MRTFB: variants seen among roughly 807,000 people sequenced by gnomAD.
MRTFB encodes myocardin related transcription factor B.
In MRTFB, 29 loss-of-function variants were observed where a neutral mutation model predicts 104.2. The ratio of observed to expected loss-of-function variants is 0.28; its 90% CI spans 0.21 to 0.38. The LOEUF (loss-of-function observed/expected upper bound fraction) is 0.38, where lower values mean the gene tolerates loss of function less well. Among genes scored for constraint, MRTFB ranks in the 10% least tolerant of loss-of-function variants. The pLI is 1.00. For missense variants in MRTFB, 1,270 were observed against 1,341.6 expected (o/e 0.95, Z 0.83); for synonymous variants, 535 against 519.5 (o/e 1.03, Z -0.41).
intron 3 of MRTFB, among the ~76,000 whole-genome samples, chr16:14,198,820 G>T (rs1311633960): frequency 1.3e-5 from 2 of 152,248 alleles, no homozygotes; most frequent in Admixed American, 1.3e-4. Context: ...GATAGAGGAA[G>T]TGTCTCTTAA....
intron 1 of MRTFB, among the ~76,000 whole-genome samples, chr16:14,072,339 C>T (rs539449962): frequency 3.3e-5 from 5 of 152,290 alleles, no homozygotes; most frequent in African/African-American, 1.2e-4. Flanking sequence ...AAATAGAGAA[C>T]AGTATATGAC....
At chr16:14,073,663 A>G (rs938632391) in intron 1 of MRTFB, among the ~76,000 whole-genome samples, 14 of 152,228 alleles carry the variant, frequency 9.2e-5, no homozygotes, top group African/African-American at 3.1e-4. Flanking sequence ...ATCAAGTAGC[A>G]GATTGAGGTT....
chr16:14,220,798 G>A (rs2041659687), intron 8 of MRTFB, among the ~76,000 whole-genome samples: 1 of 152,148 alleles, frequency 6.6e-6, no homozygotes, highest in Non-Finnish European at 1.5e-5. Flanking sequence ...CTAGGGCGAT[G>A]GGAGAAGACC....
chr16:14,249,169 G>T, intron 13 of MRTFB, 88 bp downstream of exon 13: 1 of 1,443,170 alleles, frequency 6.9e-7, no homozygotes, highest in South Asian at 1.4e-5. Context: ...TAAACGCCCT[G>T]GGAAGTTCCT....
rs775230294 is a variant in MRTFB, at chr16:14,240,629, T to C, written c.1079+145T>C. Reference sequence around the variant, plus strand: ...TTTGTTATCAGAGCTTATCACACAGTGTCTGAAGTCCACATGGTGAGAGTG... The same window carrying C: ...TTTGTTATCAGAGCTTATCACACAGCGTCTGAAGTCCACATGGTGAGAGTG... On this transcript the variant is annotated intron_variant, in intron 10 of 16. Transcript: ENST00000571589. The C allele has an allele frequency of 5.2e-6, 7 of 1,353,930 alleles. No individual in the cohort carries two copies. In the Admixed American group the frequency reaches 1.0e-4, roughly 19 times the overall value. 83.9% of individuals were successfully genotyped at this position (1,353,930 alleles called of 1,614,324 possible).
chr16:14,155,038 G>C (rs1002301648), intron 3 of MRTFB, among the ~76,000 whole-genome samples: 4 of 152,108 alleles, frequency 2.6e-5, no homozygotes, highest in Admixed American at 6.6e-5. Flanking sequence ...TACCCTAAAG[G>C]CTGCCCATCA....
chr16:14,159,287 A>G (rs2038941504), intron 3 of MRTFB, among the ~76,000 whole-genome samples: 1 of 152,230 alleles, frequency 6.6e-6, no homozygotes, highest in Admixed American at 6.5e-5. Flanking sequence ...ACAGAGCTGT[A>G]GTCAATTTTG....
chr16:14,033,709 C>T, the MRTFB span, among the ~76,000 whole-genome samples: 3 of 151,594 alleles, frequency 2.0e-5, no homozygotes, highest in South Asian at 6.3e-4. Flanking sequence ...TGGTGGCACG[C>T]ACCTGTAATC....
At position 14,263,096 on chromosome 16, in the gene MRTFB, C is replaced by T. The variant is rs1334363640; in HGVS notation, c.*1652C>T. On this transcript the variant is annotated 3_prime_UTR_variant, in exon 17 of 17. Coordinates refer to ENST00000571589, the MANE Select transcript of MRTFB (RefSeq NM_001308142.2). ...TTTTCCAGCATGAGCACACTGGAGC[C>T]CTCTGCTCACTGGCACTTCCTGACT... is the stretch of plus-strand genomic sequence containing the variant. 2 of 152,312 alleles carry T rather than the reference C, an allele frequency of 1.3e-5. No individual in the cohort carries two copies. Among genetic ancestry groups the T allele is most frequent in the Non-Finnish European group, 2.9e-5 (2 of 68,042 alleles). The allele number at this position is 152,312 out of a possible 1,614,324, so 9.4% of individuals were successfully genotyped here.
At chr16:14,020,081 G>A in the MRTFB span, among the ~76,000 whole-genome samples, 1 of 152,102 alleles carries the variant, frequency 6.6e-6, no homozygotes, top group South Asian at 2.1e-4. Context: ...TATTCACCCT[G>A]TCTATGCAAT....
At chr16:14,041,865 G>A in the MRTFB span, among the ~76,000 whole-genome samples, 1 of 152,102 alleles carries the variant, frequency 6.6e-6, no homozygotes, top group Admixed American at 6.5e-5. Flanking sequence ...GGCGGAGGTT[G>A]CAGAGAGCCA....
chr16:14,016,859 T>C, the MRTFB span, among the ~76,000 whole-genome samples: 1 of 150,950 alleles, frequency 6.6e-6, no homozygotes, highest in African/African-American at 2.4e-5. Context: ...GCTCCAGATG[T>C]GAACATGTGA....
At chr16:14,236,299 A>G (rs1393004352) in intron 9 of MRTFB, among the ~76,000 whole-genome samples, 1 of 152,248 alleles carries the variant, frequency 6.6e-6, no homozygotes, top group East Asian at 1.9e-4. Flanking sequence ...GTTTTCTGAC[A>G]TCGAGGTATA....
chr16:14,096,080 ATT>A lies in MRTFB; in HGVS notation c.-64+16728_-64+16729del, dbSNP rs1596802419. The stretch of plus-strand genomic sequence containing the variant: ...TATTTATTTATTTATTTATTTATTT[ATT>A]TATTTATTTATTTGAGACAAGTCTC... On this transcript the variant is annotated intron_variant, in intron 2 of 16. Coordinates refer to ENST00000571589, the MANE Select transcript of MRTFB (RefSeq NM_001308142.2). Among the ~76,000 whole-genome samples the A allele has an allele frequency of 4.6e-5, 7 of 151,410 alleles. No homozygotes were observed. In the East Asian group the frequency reaches 1.4e-3, roughly 29 times the overall value.
intron 2 of MRTFB, among the ~76,000 whole-genome samples, chr16:14,098,136 C>CT (rs1250470299): frequency 6.6e-6 from 1 of 152,120 alleles, no homozygotes; most frequent in Admixed American, 6.5e-5. Context: ...GGATGGGTGT[C>CT]TGTTTAACTT....
intron 15 of MRTFB, among the ~76,000 whole-genome samples, chr16:14,257,210 C>A (rs988574558): frequency 6.6e-6 from 1 of 152,172 alleles, no homozygotes; most frequent in African/African-American, 2.4e-5. Flanking sequence ...GTTAAACCTA[C>A]ACCTGTCCTG....
intron 3 of MRTFB, among the ~76,000 whole-genome samples, chr16:14,207,831 G>A (rs1017351973): frequency 3.9e-5 from 6 of 152,162 alleles, no homozygotes; most frequent in Admixed American, 2.6e-4. Flanking sequence ...ATCAAACCTG[G>A]GGAGGGGATT....
At chr16:14,106,610 T>C (rs1567328987) in intron 2 of MRTFB, among the ~76,000 whole-genome samples, 1 of 152,216 alleles carries the variant, frequency 6.6e-6, no homozygotes, top group Non-Finnish European at 1.5e-5. Flanking sequence ...AGCTCAAAGT[T>C]TGACATTTAG....
At chr16:14,066,352 C>A (rs901541009), upstream of MRTFB, among the ~76,000 whole-genome samples, 2 of 151,858 alleles carry the variant, frequency 1.3e-5, no homozygotes, top group Non-Finnish European at 2.9e-5. Context: ...CGGCTCACTG[C>A]AACCTCCGCC....
Sources: allele counts gnomAD v4.1 joint callset (sites outside exome capture counted in the v4.1 genomes callset), GRCh38; gene constraint gnomAD v4.1.1; transcripts MANE v1.5; gene names NCBI Gene and HGNC (gene_info 2026-07-23, HGNC 2026-07-21).